FAM186B: variants seen among roughly 807,000 people sequenced by gnomAD.
The protein encoded by FAM186B is protein FAM186B.
FAM186B carries 68 observed loss-of-function variants against 83.4 expected under a neutral mutation model. The ratio of observed to expected loss-of-function variants is 0.81; its 90% CI spans 0.67 to 1.00. FAM186B has a LOEUF of 1.00. Ranked by LOEUF, FAM186B falls within the 50% of genes least tolerant of loss-of-function variation. FAM186B has a pLI of 0.00. For synonymous variants in FAM186B, 389 were observed against 422.0 expected (o/e 0.92, Z 0.96); for missense variants, 983 against 1,099.2 (o/e 0.89, Z 1.49).
At chr12:49,588,810 C>G (rs1300396491) in intron 5 of FAM186B, among the ~76,000 whole-genome samples, 187 bp from the exon 6 acceptor site, 1 of 152,174 alleles carries the variant, frequency 6.6e-6, no homozygotes, top group Non-Finnish European at 1.5e-5. Flanking sequence ...CTGGAAACTC[C>G]TTGAACTCTT....
At chr12:49,608,148 A>G (rs1940053308), upstream of FAM186B, among the ~76,000 whole-genome samples, 1 of 151,704 alleles carries the variant, frequency 6.6e-6, no homozygotes, top group Non-Finnish European at 1.5e-5. Context: ...TGACTGCAGG[A>G]GCTGAAGTCC....
chr12:49,595,417 G>A, intron 5 of FAM186B: 1 of 518,784 alleles, frequency 1.9e-6, no homozygotes, highest in Non-Finnish European at 3.8e-6. Flanking sequence ...AAACCAGAAG[G>A]GCCTTATAGC....
chr12:49,605,338 A>T, intron 1 of FAM186B, 44 bp downstream of exon 1: 1 of 1,587,590 alleles, frequency 6.3e-7, no homozygotes, highest in Non-Finnish European at 8.6e-7. Flanking sequence ...CAGTCTCCGC[A>T]TCAGATCCCA....
In FAM186B at chr12:49,605,573, G is replaced by A. The variant is rs1940000499; in HGVS notation, c.-96C>T. On this transcript the variant is annotated 5_prime_UTR_variant, in exon 1 of 7. Transcript: ENST00000257894. ...TGCTTTGGAGGTTAAGGGCACCAGG[G>A]TGTCTCCTGGGTACCCTCTGCCCAG... is the stretch of plus-strand genomic sequence containing the variant. The A allele has an allele frequency of 9.5e-6, 13 of 1,366,648 alleles. No individual in the cohort carries two copies. The highest frequency in any genetic ancestry group is 1.4e-5 in the South Asian group (1 of 71,158). 84.7% of individuals were successfully genotyped at this position (1,366,648 alleles called of 1,614,324 possible).
the FAM186B span, among the ~76,000 whole-genome samples, chr12:49,618,307 T>C: frequency 6.6e-6 from 1 of 150,626 alleles, no homozygotes; most frequent in Non-Finnish European, 1.5e-5. Flanking sequence ...ATCACGCCAC[T>C]GCACTCCAGC....
chr12:49,605,484 T>A lies in FAM186B; in HGVS notation c.-7A>T, dbSNP rs1023752899. On this transcript the variant is annotated 5_prime_UTR_variant, in exon 1 of 7. Coordinates refer to ENST00000257894, the MANE Select transcript of FAM186B (RefSeq NM_032130.3). ...GGGGGTCATCCTTCTCCATTTTGGA[T>A]CACTCTGTCAGTCACAAAACATCCT... is the stretch of plus-strand genomic sequence containing the variant. 1 of 1,611,894 alleles carries A rather than the reference T, an allele frequency of 6.2e-7. No individual in the cohort carries two copies. Among genetic ancestry groups the A allele is most frequent in the Non-Finnish European group, 8.5e-7 (1 of 1,179,124 alleles).
chr12:49,592,776 ACTCT>A (rs995610410), intron 5 of FAM186B, among the ~76,000 whole-genome samples: 1 of 151,980 alleles, frequency 6.6e-6, no homozygotes, highest in Non-Finnish European at 1.5e-5. Flanking sequence ...AGAGAGAAAG[ACTCT>A]CTCAAAAAAT....
intron 1 of FAM186B, chr12:49,605,090 G>A: frequency 1.0e-6 from 1 of 1,000,108 alleles, no homozygotes; most frequent in Non-Finnish European, 1.3e-6. Context: ...CCTTTCTCCT[G>A]CCCTCTAAAA....
chr12:49,622,124 A>T, the FAM186B span, among the ~76,000 whole-genome samples: 2,220 of 152,360 alleles, frequency 0.015, 22 homozygotes, highest in Middle Eastern at 0.02. Flanking sequence ...TAGTTTGAAA[A>T]TCGCCCCAGC....
Position 49,604,514 on chromosome 12 carries a change from T to C in FAM186B, c.121A>G (p.Ile41Val). The change falls in exon 2 of 7, where the codon ATT (isoleucine) becomes GTT (valine). Residue 41 changes from isoleucine (I) to valine (V), a missense_variant. Ile to Val is a conservative substitution (Grantham distance 29, BLOSUM62 3). Transcript: ENST00000257894. Reference sequence around the variant, plus strand: ...ATGACACAATTGACATTGTCCAAAATGTCTGAGAGCTGGGTAGAAATATCC... The same window carrying C: ...ATGACACAATTGACATTGTCCAAAACGTCTGAGAGCTGGGTAGAAATATCC... ...QEDISTQLSD[I>V]LDNVNCVINR... 1 of 1,614,204 alleles carries C rather than the reference T, an allele frequency of 6.2e-7. No individual in the cohort carries two copies. The highest frequency in any genetic ancestry group is 8.5e-7 in the Non-Finnish European group (1 of 1,180,024).
At chr12:49,606,542 G>A (rs1029773619), upstream of FAM186B, among the ~76,000 whole-genome samples, 4 of 151,126 alleles carry the variant, frequency 2.6e-5, no homozygotes, top group Admixed American at 6.6e-5. Context: ...TACAGAGGGA[G>A]GAACATCCCA....
intron 5 of FAM186B, chr12:49,595,640 C>G: frequency 2.4e-6 from 1 of 420,620 alleles, no homozygotes; most frequent in Non-Finnish European, 4.8e-6. Context: ...AAGCCCTGAG[C>G]AGCAAGGAGA....
Position 49,603,522 on chromosome 12 carries a change from G to A in FAM186B, c.323-155C>T, listed in dbSNP as rs575295455. 1.1e-4 allele frequency among the ~76,000 whole-genome samples: 17 copies of A among 152,314 alleles called. No homozygotes were observed. The East Asian group carries it at 3.1e-3, about 28-fold the overall frequency. On this transcript the variant is annotated intron_variant, in intron 2 of 6. Transcript: ENST00000257894. ...TTGGGCAAGTCACTTATCCCCCTGAGCCTCAGTTTCCTTCCCTATAAAAGA... is the reference window on the plus strand; with the variant it reads ...TTGGGCAAGTCACTTATCCCCCTGAACCTCAGTTTCCTTCCCTATAAAAGA...
In FAM186B at chr12:49,588,535, C is replaced by A; in HGVS notation, c.2453G>T (p.Arg818Leu). 3.1e-6 allele frequency: 5 copies of A among 1,612,996 alleles called. No homozygotes were observed. The highest frequency in any genetic ancestry group is 4.2e-6 in the Non-Finnish European group (5 of 1,179,466). ...KKCKLPAASP[R>L]HIRPSGPTYK... The stretch of plus-strand genomic sequence containing the variant: ...GGTGGGGCCACTGGGGCGGATGTGC[C>A]GGGGTGAGGCTGCAGGCAACTTGCA... Residue 818 changes from arginine (R) to leucine (L), a missense_variant, in exon 6 of 7, where the codon CGG (arginine) becomes CTG (leucine). Transcript: ENST00000257894.
rs1313988739 is a variant in FAM186B, at chr12:49,603,098, A to T, written c.505+87T>A. On this transcript the variant is annotated intron_variant, in intron 3 of 6. Coordinates refer to ENST00000257894, the MANE Select transcript of FAM186B (RefSeq NM_032130.3). The stretch of plus-strand genomic sequence containing the variant: ...CTTCTGTGATGGAGGAGAATCAGAA[A>T]GACCCCAGGCCCAGCCTCTGACTTC... 7 of 1,423,918 alleles carry T rather than the reference A, an allele frequency of 4.9e-6. No homozygotes were observed. In the South Asian group the frequency reaches 8.2e-5, roughly 17 times the overall value. 88.2% of individuals were successfully genotyped at this position (1,423,918 alleles called of 1,614,324 possible).
chr12:49,595,219 A>C, intron 5 of FAM186B: 1 of 632,814 alleles, frequency 1.6e-6, no homozygotes, highest in Non-Finnish European at 2.8e-6. Flanking sequence ...GATTAAGGTC[A>C]CCATTGCAGG....
In FAM186B at chr12:49,588,467, G is replaced by T; in HGVS notation, c.2521C>A (p.Leu841Met). 6 of 1,611,922 alleles carry T rather than the reference G, an allele frequency of 3.7e-6. No individual in the cohort carries two copies. Among genetic ancestry groups the T allele is most frequent in the Non-Finnish European group, 5.1e-6 (6 of 1,178,536 alleles). ...FLSRHRACVP[L>M]QMARQQGKQM... is the part of the protein sequence containing the mutation. ...CCCAGAACCTACCGGGCCATCTGCAGGGGCACACATGCCCGGTGCCTAGAC... is the reference window on the plus strand; with the variant it reads ...CCCAGAACCTACCGGGCCATCTGCATGGGCACACATGCCCGGTGCCTAGAC... The change falls in exon 6 of 7, where the codon CTG (leucine) becomes ATG (methionine). Residue 841 changes from leucine (L) to methionine (M), a missense_variant. Leu to Met is a conservative substitution (Grantham distance 15, BLOSUM62 2). Transcript: ENST00000257894.
Position 49,587,623 on chromosome 12 carries a change from C to T in FAM186B, c.2664G>A (p.Leu888=), listed in dbSNP as rs1939475842. The T allele has an allele frequency of 1.9e-6, 3 of 1,613,466 alleles. No homozygotes were observed. The highest frequency in any genetic ancestry group is 2.5e-6 in the Non-Finnish European group (3 of 1,179,992). The change falls in exon 7 of 7, where the codon CTG becomes CTA. Residue 888 remains leucine, a synonymous_variant. Coordinates refer to ENST00000257894, the MANE Select transcript of FAM186B (RefSeq NM_032130.3). ...QLRGHPDIPR[L]LTLDV Reference sequence around the variant, plus strand: ...AGGAGGACTACACGTCCAGTGTCAACAGCCGGGGAATATCTGGGTGTCCCC... The same window carrying T: ...AGGAGGACTACACGTCCAGTGTCAATAGCCGGGGAATATCTGGGTGTCCCC...
chr12:49,611,598 C>CA, the FAM186B span, among the ~76,000 whole-genome samples: 1 of 131,106 alleles, frequency 7.6e-6, no homozygotes, highest in African/African-American at 2.9e-5. Context: ...CAGTGGCTCA[C>CA]ACCTGTAATC....
Sources: allele counts gnomAD v4.1 joint callset (sites outside exome capture counted in the v4.1 genomes callset), GRCh38; gene constraint gnomAD v4.1.1; transcripts MANE v1.5; gene names NCBI Gene and HGNC (gene_info 2026-07-23, HGNC 2026-07-21).